The following POLR1E variants were observed in gnomAD, a reference collection of about 807,000 sequenced individuals.
POLR1E encodes the protein DNA-directed RNA polymerase I subunit RPA49.
A neutral mutation model predicts 50.9 loss-of-function variants in POLR1E; 37 were observed. The observed-to-expected ratio is 0.73, with a 90% CI of 0.56 to 0.96. POLR1E has a LOEUF of 0.96. Among genes scored for constraint, POLR1E ranks in the 40% least tolerant of loss-of-function variants. The pLI, the probability that POLR1E is intolerant of heterozygous loss-of-function variation, is 0.00. For missense variants in POLR1E, 426 were observed against 518.1 expected, an observed-to-expected ratio of 0.82 and a Z score of 1.73; for synonymous variants, 166 against 191.6, an observed-to-expected ratio of 0.87 and a Z score of 1.10.
In POLR1E at chr9:37,488,462, GAC is replaced by G. The variant is rs554215256; in HGVS notation, c.257+525_257+526del. 5.4e-3 allele frequency among the ~76,000 whole-genome samples: 818 copies of G among 152,196 alleles called. 6 individuals carry two copies. The highest frequency in any genetic ancestry group is 9.0e-3 in the Non-Finnish European group (614 of 67,996). On this transcript the variant is annotated intron_variant, in intron 3 of 11. Coordinates refer to ENST00000377798, the MANE Select transcript of POLR1E (RefSeq NM_022490.4). ...CACTCTCGGGGGCTGGCATGATGCA[GAC>G]AGGGCCCTGTGATGGTACCCAACAA...
Position 37,486,769 on chromosome 9 carries a change from A to T in POLR1E, c.143A>T (p.Asp48Val). The change falls in exon 2 of 12, where the codon GAT becomes GTT. Residue 48 changes from aspartate to valine, a missense_variant. Coordinates refer to ENST00000377798, the MANE Select transcript of POLR1E (RefSeq NM_022490.4). ...NMRFTLYENK[D>V]STNPRKRNQR... ...CGCTTTACCTTGTATGAGAACAAAGATTCCACCAACCCCAGGAAGAGGAAT... is the reference window on the plus strand; with the variant it reads ...CGCTTTACCTTGTATGAGAACAAAGTTTCCACCAACCCCAGGAAGAGGAAT... The T allele has an allele frequency of 6.2e-7, 1 of 1,614,016 alleles. No individual in the cohort carries two copies. Among genetic ancestry groups the T allele is most frequent in the Non-Finnish European group, 8.5e-7 (1 of 1,180,014 alleles).
In POLR1E at chr9:37,489,356, A is replaced by T; in HGVS notation, c.299A>T (p.Glu100Val). 1 of 1,602,514 alleles carries T rather than the reference A, an allele frequency of 6.2e-7. No individual in the cohort carries two copies. Among genetic ancestry groups the T allele is most frequent in the African/African-American group, 1.3e-5 (1 of 74,298 alleles). Reference protein sequence around the residue: ...GILNKTSGQMEVYDAELFNMQ... With the variant: ...GILNKTSGQMVVYDAELFNMQ... ...TTGAACAAGACCTCTGGCCAAATGG[A>T]AGTATATGATGCTGAATTGTTCAAC... The change falls in exon 4 of 12, where the codon GAA becomes GTA. Residue 100 changes from glutamate to valine, a missense_variant. Transcript: ENST00000377798.
intron 4 of POLR1E, chr9:37,492,295 A>G: frequency 7.7e-7 from 1 of 1,295,318 alleles, no homozygotes; most frequent in African/African-American, 1.5e-5. Flanking sequence ...TTTCACCAAG[A>G]AAGCAAAATT....
In POLR1E at chr9:37,485,988, A is replaced by G. The variant is rs1588796503; in HGVS notation, c.-60A>G. 3.8e-6 allele frequency: 6 copies of G among 1,564,902 alleles called. No individual in the cohort carries two copies. The highest frequency in any genetic ancestry group is 2.3e-5 in the South Asian group (2 of 85,170). On this transcript the variant is annotated 5_prime_UTR_variant, in exon 1 of 12. Coordinates refer to ENST00000377798, the MANE Select transcript of POLR1E (RefSeq NM_022490.4). Reference sequence around the variant, plus strand: ...GCGCGGCCTGGGCTCCCGCGTGTTTAAAAGTGCGCTTGTGGCTGCTGCTGT... The same window carrying G: ...GCGCGGCCTGGGCTCCCGCGTGTTTGAAAGTGCGCTTGTGGCTGCTGCTGT...
chr9:37,489,319 T>C lies in POLR1E; in HGVS notation c.262T>C (p.Phe88Leu). ...ALKCNTLCRH[F>L]VGILNKTSGQ... ...TATTATTTCTTCTTTATTCAGGCAC[T>C]TTGTGGGAATTTTGAACAAGACCTC... The change falls in exon 4 of 12, where the codon TTT becomes CTT. Residue 88 changes from phenylalanine (F) to leucine (L), a missense_variant. Physicochemically the swap from Phe to Leu is conservative, Grantham distance 22. Coordinates refer to ENST00000377798, the MANE Select transcript of POLR1E (RefSeq NM_022490.4). 2 of 1,596,998 alleles carry C rather than the reference T, an allele frequency of 1.3e-6. No homozygotes were observed. The highest frequency in any genetic ancestry group is 1.7e-6 in the Non-Finnish European group (2 of 1,173,892).
chr9:37,495,637 G>C (rs10973369), intron 7 of POLR1E, among the ~76,000 whole-genome samples: 32,785 of 152,148 alleles, frequency 0.22, 3,708 homozygotes, highest in East Asian at 0.26. Flanking sequence ...CACCACCCAA[G>C]GGGTCCGGTC....
At chr9:37,493,786 G>A in intron 6 of POLR1E, 83 bp downstream of exon 6, 1 of 1,340,598 alleles carries the variant, frequency 7.5e-7, no homozygotes, top group Non-Finnish European at 9.8e-7. Context: ...ACCCACACAT[G>A]GAATGCTGGG....
At position 37,503,526 on chromosome 9, in the gene POLR1E, T is replaced by G; in HGVS notation, c.*324T>G. The G allele has an allele frequency of 5.2e-6, 1 of 193,182 alleles. No homozygotes were observed. The highest frequency in any genetic ancestry group is 1.1e-5 in the Non-Finnish European group (1 of 94,010). The allele number at this position is 193,182 out of a possible 1,614,324, so 12.0% of individuals were successfully genotyped here. A position where few individuals can be genotyped will look rare whatever the true frequency, so the allele number is the denominator to read the frequency against. On this transcript the variant is annotated 3_prime_UTR_variant, in exon 12 of 12. Coordinates refer to ENST00000377798, the MANE Select transcript of POLR1E (RefSeq NM_022490.4). ...TTGGGAAATCAAGGTTGCAGTGAGCTATGATTGTGTGGCCACACTCCATCC... is the reference window on the plus strand; with the variant it reads ...TTGGGAAATCAAGGTTGCAGTGAGCGATGATTGTGTGGCCACACTCCATCC...
At chr9:37,496,032 A>T (rs1269709357) in intron 8 of POLR1E, 46 bp downstream of exon 8, 3 of 1,418,142 alleles carry the variant, frequency 2.1e-6, no homozygotes, top group South Asian at 1.2e-5. Flanking sequence ...TGCTGTTGGG[A>T]CCCAACAGTA....
At position 37,493,648 on chromosome 9, in the gene POLR1E, G is replaced by T; in HGVS notation, c.492G>T (p.Leu164Phe). ...TGAACAGAGTTGGCAATGAATCTTT[G>T]AATCGTGCAGTGGCTAAAGCTGCAG... Reference protein sequence around the residue: ...RRMNRVGNESLNRAVAKAAET... With the variant: ...RRMNRVGNESFNRAVAKAAET... The change falls in exon 6 of 12, where the codon TTG becomes TTT. Residue 164 changes from leucine (L) to phenylalanine (F), a missense_variant. By Grantham distance (22) the Leu-to-Phe change is conservative (BLOSUM62 0). Transcript: ENST00000377798. The T allele has an allele frequency of 6.2e-7, 1 of 1,609,608 alleles. No homozygotes were observed. The highest frequency in any genetic ancestry group is 1.1e-5 in the South Asian group (1 of 90,236).
intron 7 of POLR1E, 65 bp downstream of exon 7, chr9:37,495,341 G>A: frequency 6.8e-6 from 9 of 1,317,262 alleles, no homozygotes; most frequent in Non-Finnish European, 9.8e-6. Flanking sequence ...CGTGTGTGCA[G>A]TCAGGTTCTC....
Position 37,492,674 on chromosome 9 carries a change from G to C in POLR1E, c.361G>C (p.Glu121Gln). 6.2e-7 allele frequency: 1 copy of C among 1,614,026 alleles called. No homozygotes were observed. Among genetic ancestry groups the C allele is most frequent in the Non-Finnish European group, 8.5e-7 (1 of 1,179,938 alleles). Reference protein sequence around the residue: ...PLFSDVSVESELALESQTKTY... With the variant: ...PLFSDVSVESQLALESQTKTY... ...TTTGATAGATGTATCAGTTGAGAGT[G>C]AACTGGCGCTAGAGAGTCAGACCAA... The change falls in exon 5 of 12, where the codon GAA becomes CAA. Residue 121 changes from glutamate to glutamine, a missense_variant. Physicochemically the swap from Glu to Gln is conservative, Grantham distance 29. Coordinates refer to ENST00000377798, the MANE Select transcript of POLR1E (RefSeq NM_022490.4).
At chr9:37,503,013 C>T (rs1379323630) in intron 11 of POLR1E, 30 bp from the exon 12 acceptor site, 1 of 1,593,438 alleles carries the variant, frequency 6.3e-7, no homozygotes, top group Non-Finnish European at 8.5e-7. Context: ...TGAGGGGTCT[C>T]TCCAGTTCTT....
chr9:37,491,567 G>A (rs1019029473), intron 4 of POLR1E, among the ~76,000 whole-genome samples: 4 of 151,754 alleles, frequency 2.6e-5, no homozygotes, highest in South Asian at 2.1e-4. Context: ...GGGTTCTAGC[G>A]ATTTTCCTGC....
intron 8 of POLR1E, among the ~76,000 whole-genome samples, chr9:37,497,362 C>T (rs1361011728): frequency 6.6e-6 from 1 of 151,974 alleles, no homozygotes; most frequent in Non-Finnish European, 1.5e-5. Flanking sequence ...CTCAAACAAA[C>T]AAACAAACAA....
At chr9:37,498,247 A>T (rs755455821) in intron 9 of POLR1E, 23 bp downstream of exon 9, 5 of 1,597,262 alleles carry the variant, frequency 3.1e-6, no homozygotes, top group Non-Finnish European at 4.3e-6. Flanking sequence ...TAAACATTTT[A>T]TTCTAATTGT....
In POLR1E at chr9:37,493,573, T is replaced by C; in HGVS notation, c.417T>C (p.Ile139=). ...CTCATAAACAGATGGATTCTTGTATTGAAGCCTTTGGTACCACCAAACAGA... is the reference window on the plus strand; with the variant it reads ...CTCATAAACAGATGGATTCTTGTATCGAAGCCTTTGGTACCACCAAACAGA... ...KTYREKMDSC[I]EAFGTTKQKR... is the part of the protein sequence containing the mutation. Residue 139 remains isoleucine, a synonymous_variant, in exon 6 of 12, where the codon ATT becomes ATC. Coordinates refer to ENST00000377798, the MANE Select transcript of POLR1E (RefSeq NM_022490.4). 1.2e-6 allele frequency: 2 copies of C among 1,603,722 alleles called. No individual in the cohort carries two copies. Among genetic ancestry groups the C allele is most frequent in the African/African-American group, 1.3e-5 (1 of 74,676 alleles).
intron 9 of POLR1E, among the ~76,000 whole-genome samples, chr9:37,500,508 C>A (rs1820866429): frequency 6.6e-6 from 1 of 152,140 alleles, no homozygotes; most frequent in Non-Finnish European, 1.5e-5. Context: ...TTTCACATTC[C>A]AATTCCACCT....
chr9:37,502,741 TG>T (rs1219871713), intron 11 of POLR1E, among the ~76,000 whole-genome samples: 1 of 152,210 alleles, frequency 6.6e-6, no homozygotes, highest in Non-Finnish European at 1.5e-5. Flanking sequence ...TGCTCAATCC[TG>T]GTTGCTAAAA....
Sources: gnomAD v4.1 joint callset for allele counts (sites outside exome capture counted in the v4.1 genomes callset) on GRCh38, gnomAD v4.1.1 for gene constraint, MANE v1.5 for transcripts, NCBI Gene and HGNC (gene_info 2026-07-23, HGNC 2026-07-21) for gene names.